Variants in HDAC7 observed in about 807,000 individuals in gnomAD.
HDAC7 encodes histone deacetylase 7A.
Under a neutral mutation model 115.5 loss-of-function variants are expected in HDAC7, and 26 were observed. The ratio of observed to expected loss-of-function variants is 0.23; its 90% CI spans 0.16 to 0.31. The LOEUF (loss-of-function observed/expected upper bound fraction) is 0.31. HDAC7 is among the 10% of genes least tolerant of loss of function. The pLI is 1.00. For synonymous variants in HDAC7, 564 were observed against 550.9 expected, an observed-to-expected ratio of 1.02 and a Z score of -0.33; for missense variants, 1,068 against 1,329.0, an observed-to-expected ratio of 0.80 and a Z score of 3.05.
chr12:47,784,394 A>G, intron 24 of HDAC7, 177 bp from the exon 25 acceptor site: 1 of 662,006 alleles, frequency 1.5e-6, no homozygotes, highest in South Asian at 2.0e-5. Flanking sequence ...CCACTCCCGC[A>G]CAGCCTGACA....
At chr12:47,785,580 CA>C in intron 23 of HDAC7, 109 bp from the exon 24 acceptor site, 1 of 1,371,694 alleles carries the variant, frequency 7.3e-7, no homozygotes, top group Non-Finnish European at 1.0e-6. Context: ...CTACCTAGGC[CA>C]GGAGATGCTG....
In HDAC7 at chr12:47,798,842, C is replaced by A. The variant is rs1196351188; in HGVS notation, c.201G>T (p.Leu67=). Residue 67 remains leucine, a synonymous_variant, in exon 3 of 26, where the codon CTG becomes CTT. Transcript: ENST00000080059. The surrounding 1 kb of genome is among the most constrained non-coding windows in gnomAD (Gnocchi z 4.3). ...TLLALQRPQR[L]HHHLFLAGLQ... is the part of the protein sequence containing the mutation. ...GGCCTGCTAGGAAGAGGTGGTGGTG[C>A]AGGCGCTGGGGACGCTGCAGGGCCA... 1.3e-6 allele frequency: 2 copies of A among 1,560,078 alleles called. No homozygotes were observed. The highest frequency in any genetic ancestry group is 4.8e-5 in the East Asian group (2 of 42,098).
intron 1 of HDAC7, among the ~76,000 whole-genome samples, chr12:47,818,500 G>A (rs1944912576): frequency 6.6e-6 from 1 of 152,214 alleles, no homozygotes; most frequent in South Asian, 2.1e-4. Context: ...CCTGGGAGGG[G>A]GAAAGGGCCG....
At chr12:47,808,718 A>T (rs1203679531) in intron 1 of HDAC7, among the ~76,000 whole-genome samples, 1 of 152,150 alleles carries the variant, frequency 6.6e-6, no homozygotes, top group Admixed American at 6.5e-5. Flanking sequence ...GCAGGCCTGG[A>T]GGGCCTGCAT....
In HDAC7 at chr12:47,791,241, AC is replaced by A; in HGVS notation, c.1983+17del. ...AGAGCCCTGGCAACGCCCCCCTGAG[AC>A]CCCTGGGCACACTTACCCCAACCCC... On this transcript the variant is annotated intron_variant, in intron 16 of 25. Transcript: ENST00000080059. 1 of 1,591,522 alleles carries A rather than the reference AC, an allele frequency of 6.3e-7. No homozygotes were observed. Among genetic ancestry groups the A allele is most frequent in the Non-Finnish European group, 8.6e-7 (1 of 1,168,856 alleles).
At chr12:47,815,984 C>A (rs548837747) in intron 1 of HDAC7, among the ~76,000 whole-genome samples, 1 of 150,764 alleles carries the variant, frequency 6.6e-6, no homozygotes, top group Non-Finnish European at 1.5e-5. Context: ...CTCTGCCTCC[C>A]GGGTTTAAGC....
chr12:47,791,820 C>CCCAAACAA, intron 14 of HDAC7, 51 bp downstream of exon 14: 1 of 1,581,806 alleles, frequency 6.3e-7, no homozygotes, highest in Non-Finnish European at 8.6e-7. Flanking sequence ...CCCTCCCCTC[C>CCCAAACAA]CATGACTCCT....
chr12:47,789,230 G>A lies in HDAC7; in HGVS notation c.2235+31C>T, dbSNP rs113954394. 1,214 of 1,549,208 alleles carry A rather than the reference G, an allele frequency of 7.8e-4. 11 individuals carry two copies. In the African/African-American group the frequency reaches 0.015, roughly 19 times the overall value. On this transcript the variant is annotated intron_variant, in intron 19 of 25. Transcript: ENST00000080059. ...TCAGGGCTTTTCCCCCAGGGCTCTC[G>A]AATTGGAGGGTGCTACGGACAGGCA... is the stretch of plus-strand genomic sequence containing the variant.
At chr12:47,792,303 G>C (rs1943574737) in intron 13 of HDAC7, 1 of 460,964 alleles carries the variant, frequency 2.2e-6, no homozygotes. Context: ...ACGACTGCTG[G>C]GTGGCCCAGG....
At chr12:47,802,819 G>C (rs568131277) in intron 1 of HDAC7, among the ~76,000 whole-genome samples, 3 of 152,140 alleles carry the variant, frequency 2.0e-5, no homozygotes, top group Admixed American at 6.5e-5. Context: ...TTTCCAGAGT[G>C]GGGGAGGGAC....
chr12:47,796,259 C>T lies in HDAC7; in HGVS notation c.743G>A (p.Cys248Tyr). 1 of 1,599,772 alleles carries T rather than the reference C, an allele frequency of 6.3e-7. No homozygotes were observed. The highest frequency in any genetic ancestry group is 8.5e-7 in the Non-Finnish European group (1 of 1,176,406). The change falls in exon 8 of 26, where the codon TGC becomes TAC. Residue 248 changes from cysteine (C) to tyrosine (Y), a missense_variant. Cys to Tyr is a radical substitution (Grantham distance 194). Around this residue, in one of 6 missense-constraint regions of HDAC7, gnomAD observed 618 missense variants for 701.5 expected, o/e 0.88. Coordinates refer to ENST00000080059, the MANE Select transcript of HDAC7 (RefSeq NM_015401.5). ...GTGCTCGCTGTCATTGGGGGAGCTGCACCCTGATGCGGGCGTGCTGCTACT... is the reference window on the plus strand; with the variant it reads ...GTGCTCGCTGTCATTGGGGGAGCTGTACCCTGATGCGGGCGTGCTGCTACT... ...PSSSSTPASG[C>Y]SSPNDSEHGP...
chr12:47,816,268 A>G (rs1225917642), intron 1 of HDAC7, among the ~76,000 whole-genome samples: 2 of 152,078 alleles, frequency 1.3e-5, no homozygotes, highest in Non-Finnish European at 2.9e-5. Flanking sequence ...GAGAATCCCA[A>G]ATGAGATGGT....
intron 17 of HDAC7, 58 bp downstream of exon 17, chr12:47,789,755 A>T: frequency 6.9e-7 from 1 of 1,440,110 alleles, no homozygotes; most frequent in African/African-American, 1.4e-5. Context: ...TGGATTCCCC[A>T]CTACCCCACT....
intron 2 of HDAC7, among the ~76,000 whole-genome samples, chr12:47,801,203 C>G (rs1419595989): frequency 2.0e-5 from 3 of 152,192 alleles, no homozygotes; most frequent in Non-Finnish European, 4.4e-5. Flanking sequence ...AGGATTAGTG[C>G]TCTGTGGGCA....
intron 1 of HDAC7, among the ~76,000 whole-genome samples, chr12:47,816,059 T>G (rs1019407368): frequency 1.3e-5 from 2 of 151,818 alleles, no homozygotes; most frequent in African/African-American, 4.8e-5. Context: ...CCTGGCTAAT[T>G]TTTTGTATTT....
rs1390431252 is a variant in HDAC7 at position 47,795,807 on chromosome 12, C to T, written c.907-40G>A. 1 of 1,520,356 alleles carries T rather than the reference C, an allele frequency of 6.6e-7. No homozygotes were observed. The allele number at this position is 1,520,356 out of a possible 1,614,324, so 94.2% of individuals were successfully genotyped here. ...GGAGAAGTCACGGGGAAGAAGATTC[C>T]AGCAGAGAACAATGAAGATGATGGG... On this transcript the variant is annotated intron_variant, in intron 9 of 25. Transcript: ENST00000080059. This position sits in a 1 kb window ranked among gnomAD's most constrained non-coding sequence, Gnocchi z 4.3.
chr12:47,820,929 G>A (rs1945002482), upstream of HDAC7, among the ~76,000 whole-genome samples: 1 of 152,182 alleles, frequency 6.6e-6, no homozygotes, highest in Non-Finnish European at 1.5e-5. The surrounding 1 kb of genome is among the most constrained non-coding windows in gnomAD (Gnocchi z 4.3). Context: ...TAGCTGGAGA[G>A]AAGGTCAGAT....
Position 47,793,293 on chromosome 12 carries a change from A to G in HDAC7, c.1678+76T>C. Reference sequence around the variant, plus strand: ...CTCTGTGGCCTCTAAAAATGTCCCAAGTGACACCAAGACACCCACATGGAC... The same window carrying G: ...CTCTGTGGCCTCTAAAAATGTCCCAGGTGACACCAAGACACCCACATGGAC... On this transcript the variant is annotated intron_variant, in intron 13 of 25. Transcript: ENST00000080059. This position sits in a 1 kb window ranked among gnomAD's most constrained non-coding sequence, Gnocchi z 4.5. The G allele has an allele frequency of 2.6e-6, 3 of 1,147,828 alleles. No homozygotes were observed. The highest frequency in any genetic ancestry group is 3.6e-6 in the Non-Finnish European group (3 of 829,550). The allele number at this position is 1,147,828 out of a possible 1,614,324, so 71.1% of individuals were successfully genotyped here.
In HDAC7 at chr12:47,785,821, C is replaced by A; in HGVS notation, c.2637G>T (p.Glu879Asp). 1 of 1,612,284 alleles carries A rather than the reference C, an allele frequency of 6.2e-7. No individual in the cohort carries two copies. Residue 879 changes from glutamate to aspartate, a missense_variant, in exon 23 of 26, where the codon GAG (glutamate) becomes GAT (aspartate). Physicochemically the swap from Glu to Asp is conservative, Grantham distance 45. This residue lies in a region of HDAC7 where 182 missense variants were observed against 301.1 expected (regional missense o/e 0.60). Transcript: ENST00000080059. Reference sequence around the variant, plus strand: ...AGATGGCTGTGAGGTCATGGCCACCCTCCAAGGCCAGCACCACTGCGCCTC... The same window carrying A: ...AGATGGCTGTGAGGTCATGGCCACCATCCAAGGCCAGCACCACTGCGCCTC... ...LAGGAVVLALEGGHDLTAICD... is the reference protein window; with the variant it reads ...LAGGAVVLALDGGHDLTAICD...
Sources: gnomAD v4.1 joint callset for allele counts (sites outside exome capture counted in the v4.1 genomes callset) on GRCh38, gnomAD v4.1.1 for gene constraint, gnomAD v4.1.1 regional missense constraint, Gnocchi (gnomAD v3.1) non-coding constraint, MANE v1.5 for transcripts, NCBI Gene and HGNC (gene_info 2026-07-23, HGNC 2026-07-21) for gene names.